The following KCND2 variants were observed in gnomAD, a reference collection of about 807,000 sequenced individuals.
The protein encoded by KCND2 is potassium voltage-gated channel subfamily D member 2, also known as A-type voltage-gated potassium channel KCND2.
KCND2 carries 16 observed loss-of-function variants against 54.4 expected under a neutral mutation model. The observed-to-expected ratio is 0.29, with a 90% confidence interval of 0.20 to 0.45. The LOEUF is 0.45. Ranked by LOEUF, KCND2 falls within the 20% of genes least tolerant of loss-of-function variation. KCND2 has a pLI of 1.00. For missense variants in KCND2, 486 were observed against 824.2 expected, an observed-to-expected ratio of 0.59 and a Z score of 5.02; for synonymous variants, 317 against 310.7, an observed-to-expected ratio of 1.02 and a Z score of -0.21.
At chr7:120,690,092 AAAATGTTT>A (rs1462375935) in intron 1 of KCND2, among the ~76,000 whole-genome samples, 1 of 152,204 alleles carries the variant, frequency 6.6e-6, no homozygotes, top group Non-Finnish European at 1.5e-5. Context: ...CTGGTATTAG[AAAATGTTT>A]TCTTTTTTCA....
rs947120230 is a variant in KCND2, at chr7:120,733,041, A to G, written c.1254A>G (p.Arg418=). 3.1e-6 allele frequency: 5 copies of G among 1,613,484 alleles called. No homozygotes were observed. In the Admixed American group the frequency reaches 8.3e-5, roughly 27 times the overall value. Residue 418 remains arginine, a synonymous_variant, in exon 2 of 6, where the codon CGA becomes CGG. Transcript: ENST00000331113. ...NFSRIYHQNQ[R]ADKRRAQKKA... is the part of the protein sequence containing the mutation. ...GTCGCATCTACCACCAGAATCAACG[A>G]GCAGACAAACGAAGGGCACAAAAGG...
rs1315172066 is a variant in KCND2 at position 120,380,339 on chromosome 7, T to C, written c.1115+104592T>C. 3.9e-5 allele frequency among the ~76,000 whole-genome samples: 6 copies of C among 152,186 alleles called. No homozygotes were observed. In the East Asian group the frequency reaches 9.7e-4, roughly 25 times the overall value. ...GTCTTTGTCCATTTATTTATGCCTT[T>C]CCTGTTTCCATTTATAAAGCACTGT... On this transcript the variant is annotated intron_variant, in intron 1 of 5. Coordinates refer to ENST00000331113, the MANE Select transcript of KCND2 (RefSeq NM_012281.3).
intron 1 of KCND2, among the ~76,000 whole-genome samples, chr7:120,333,398 T>C (rs1190183588): frequency 6.6e-6 from 1 of 152,086 alleles, no homozygotes; most frequent in Admixed American, 6.5e-5. Flanking sequence ...TACACTCAGG[T>C]TAGCCATCTT....
intron 1 of KCND2, among the ~76,000 whole-genome samples, chr7:120,630,652 T>A (rs1793222630): frequency 6.6e-6 from 1 of 152,190 alleles, no homozygotes; most frequent in Non-Finnish European, 1.5e-5. Context: ...TCCTTCTTAT[T>A]GCCTATATCA....
chr7:120,647,260 G>A (rs908167935), intron 1 of KCND2, among the ~76,000 whole-genome samples: 1 of 151,936 alleles, frequency 6.6e-6, no homozygotes, highest in Admixed American at 6.6e-5. Flanking sequence ...TTTGCTTTTG[G>A]TGCACTAGCA....
chr7:120,416,895 G>C (rs1199766750), intron 1 of KCND2, among the ~76,000 whole-genome samples: 1 of 152,138 alleles, frequency 6.6e-6, no homozygotes, highest in African/African-American at 2.4e-5. Flanking sequence ...GCCCAGGTTG[G>C]AGTGCAGTGG....
chr7:120,351,412 ACT>A lies in KCND2; in HGVS notation c.1115+75687_1115+75688del, dbSNP rs60390632. ...CACACACACACACACACACACACAC[ACT>A]CTCTCTCTCTCTCTCTCTCTCACAT... On this transcript the variant is annotated intron_variant, in intron 1 of 5. Coordinates refer to ENST00000331113, the MANE Select transcript of KCND2 (RefSeq NM_012281.3). Among the ~76,000 whole-genome samples, 859 of 99,750 alleles carry A rather than the reference ACT, an allele frequency of 8.6e-3. 13 individuals are homozygous for A. The highest frequency in any genetic ancestry group is 0.03 in the African/African-American group (814 of 26,814). The allele number at this position is 99,750 out of a possible 152,430, so 65.4% of individuals were successfully genotyped here. A position where few individuals can be genotyped will look rare whatever the true frequency, so the allele number is the denominator to read the frequency against.
intron 1 of KCND2, among the ~76,000 whole-genome samples, chr7:120,299,563 C>A (rs978736913): frequency 2.0e-5 from 3 of 152,146 alleles, no homozygotes; most frequent in Non-Finnish European, 4.4e-5. Context: ...AGAGACATTT[C>A]TTTATTTCTC....
At chr7:120,379,537 CCTTT>C (rs1196067470) in intron 1 of KCND2, among the ~76,000 whole-genome samples, 1 of 151,980 alleles carries the variant, frequency 6.6e-6, no homozygotes, top group African/African-American at 2.4e-5. Context: ...TTCAAATTTG[CCTTT>C]CTTTAAGTCA....
At chr7:120,372,344 T>C (rs1171872601) in intron 1 of KCND2, among the ~76,000 whole-genome samples, 1 of 151,800 alleles carries the variant, frequency 6.6e-6, no homozygotes, top group Non-Finnish European at 1.5e-5. Flanking sequence ...ATAAATCAAG[T>C]TGATCTGAAA....
chr7:120,699,046 C>T (rs907389599), intron 1 of KCND2, among the ~76,000 whole-genome samples: 7 of 151,882 alleles, frequency 4.6e-5, no homozygotes, highest in African/African-American at 1.7e-4. Flanking sequence ...TTTGGGAGGC[C>T]GAGGTGGGCG....
At chr7:120,568,104 C>A (rs544123483) in intron 1 of KCND2, among the ~76,000 whole-genome samples, 4 of 152,080 alleles carry the variant, frequency 2.6e-5, no homozygotes, top group Non-Finnish European at 4.4e-5. Context: ...CTTAAATAAG[C>A]CTTTTCTCAA....
chr7:120,511,588 T>A (rs1803116278), intron 1 of KCND2, among the ~76,000 whole-genome samples: 1 of 152,180 alleles, frequency 6.6e-6, no homozygotes, highest in Non-Finnish European at 1.5e-5. Flanking sequence ...TTTTACATAA[T>A]TTGAATACAG....
At chr7:120,626,118 C>T (rs781150836) in intron 1 of KCND2, among the ~76,000 whole-genome samples, 3 of 151,984 alleles carry the variant, frequency 2.0e-5, no homozygotes, top group Admixed American at 1.3e-4. Flanking sequence ...CATTAATATT[C>T]GATCATGTAC....
At chr7:120,725,097 G>T (rs980776591) in intron 1 of KCND2, among the ~76,000 whole-genome samples, 6 of 152,020 alleles carry the variant, frequency 3.9e-5, no homozygotes, top group East Asian at 1.9e-4. Flanking sequence ...AAAGAATTTG[G>T]TTTTTTTAAA....
At chr7:120,582,267 C>T (rs1792525995) in intron 1 of KCND2, among the ~76,000 whole-genome samples, 3 of 152,036 alleles carry the variant, frequency 2.0e-5, no homozygotes, top group Admixed American at 2.0e-4. Flanking sequence ...TTTTAAAAAT[C>T]AAGTAACCCT....
At position 120,427,243 on chromosome 7, in the gene KCND2, C is replaced by G. The variant is rs575188301; in HGVS notation, c.1115+151496C>G. Among the ~76,000 whole-genome samples the G allele has an allele frequency of 4.6e-5, 7 of 152,296 alleles. No individual in the cohort carries two copies. In the South Asian group the frequency reaches 1.5e-3, roughly 32 times the overall value. Reference sequence around the variant, plus strand: ...TACAAACCTATAACACAAAAGGACACCAAATTCCTAGGATATAGCACGTAG... The same window carrying G: ...TACAAACCTATAACACAAAAGGACAGCAAATTCCTAGGATATAGCACGTAG... On this transcript the variant is annotated intron_variant, in intron 1 of 5. Transcript: ENST00000331113.
At chr7:120,698,173 C>A (rs1367292901) in intron 1 of KCND2, among the ~76,000 whole-genome samples, 1 of 151,888 alleles carries the variant, frequency 6.6e-6, no homozygotes, top group Non-Finnish European at 1.5e-5. Flanking sequence ...TACTACCATG[C>A]CCAGATAACT....
chr7:120,554,401 T>C (rs940608281), intron 1 of KCND2, among the ~76,000 whole-genome samples: 2 of 149,848 alleles, frequency 1.3e-5, no homozygotes, highest in Admixed American at 6.7e-5. Flanking sequence ...AGAATTTACT[T>C]TTTTTTTTTA....
Sources: allele counts gnomAD v4.1 joint callset (sites outside exome capture counted in the v4.1 genomes callset), GRCh38; gene constraint gnomAD v4.1.1; transcripts MANE v1.5; gene names NCBI Gene and HGNC (gene_info 2026-07-23, HGNC 2026-07-21).